The following ZBTB20 variants were observed in gnomAD, a reference collection of about 807,000 sequenced individuals.
The protein encoded by ZBTB20 is zinc finger and BTB domain-containing protein 20.
A neutral mutation model predicts 56.9 loss-of-function variants in ZBTB20; 9 were observed. The observed-to-expected ratio is 0.16, with a 90% CI of 0.10 to 0.28. The LOEUF (loss-of-function observed/expected upper bound fraction) is 0.28, where lower values mean the gene tolerates loss of function less well. Among genes scored for constraint, ZBTB20 ranks in the 10% least tolerant of loss-of-function variants. The pLI, the probability that ZBTB20 is intolerant of heterozygous loss-of-function variation, is 1.00. For synonymous variants in ZBTB20, 417 were observed against 420.7 expected (o/e 0.99, Z 0.11); for missense variants, 655 against 1,003.0 (o/e 0.65, Z 4.69).
chr3:114,962,444 C>T (rs2077490081), intron 3 of ZBTB20, among the ~76,000 whole-genome samples: 2 of 152,104 alleles, frequency 1.3e-5, no homozygotes, highest in African/African-American at 4.8e-5. Flanking sequence ...TGCAGACAGA[C>T]AGCCCGATAG....
At chr3:114,694,589 A>G (rs771161275) in intron 5 of ZBTB20, among the ~76,000 whole-genome samples, 7 of 152,068 alleles carry the variant, frequency 4.6e-5, no homozygotes, top group Non-Finnish European at 1.0e-4. Flanking sequence ...GGACTTATAT[A>G]AACAAAAGAA....
Position 114,938,653 on chromosome 3 carries a change from C to T in ZBTB20, c.-456+35713G>A, listed in dbSNP as rs991290245. On this transcript the variant is annotated intron_variant, in intron 3 of 11. Transcript: ENST00000675478. ...CACATGGACACAGGGAGGGGAACAT[C>T]ACACATTGGGGCCTGTCGGGTGGTG... Among the ~76,000 whole-genome samples, 6 of 145,200 alleles carry T rather than the reference C, an allele frequency of 4.1e-5. 1 individual carries two copies. The highest frequency in any genetic ancestry group is 1.7e-4 in the African/African-American group (6 of 35,052).
intron 6 of ZBTB20, among the ~76,000 whole-genome samples, chr3:114,677,727 T>C (rs2061714730): frequency 6.6e-6 from 1 of 152,150 alleles, no homozygotes; most frequent in Non-Finnish European, 1.5e-5. Flanking sequence ...TTGAAAAATA[T>C]ATATATATAC....
intron 2 of ZBTB20, among the ~76,000 whole-genome samples, chr3:114,975,348 T>A (rs2078054297): frequency 6.6e-6 from 1 of 152,178 alleles, no homozygotes; most frequent in Non-Finnish European, 1.5e-5. Flanking sequence ...CATTCAAAGT[T>A]TCAAAAGCAG....
At chr3:114,401,581 C>G (rs2086830904) in intron 7 of ZBTB20, among the ~76,000 whole-genome samples, 1 of 152,120 alleles carries the variant, frequency 6.6e-6, no homozygotes. Flanking sequence ...TTCCACCATG[C>G]AGACTATGTA....
chr3:114,858,833 C>T (rs1470545134), intron 4 of ZBTB20, among the ~76,000 whole-genome samples: 2 of 152,122 alleles, frequency 1.3e-5, no homozygotes, highest in African/African-American at 4.8e-5. Context: ...GTGGAATCTA[C>T]TTTACTGACA....
chr3:114,821,551 C>A (rs764393763), intron 4 of ZBTB20, among the ~76,000 whole-genome samples: 56 of 152,254 alleles, frequency 3.7e-4, no homozygotes, highest in Middle Eastern at 6.8e-3. Context: ...GTCACTCTGG[C>A]AAGAAGAAGC....
At chr3:114,606,780 G>T (rs535821013) in intron 6 of ZBTB20, among the ~76,000 whole-genome samples, 10 of 152,088 alleles carry the variant, frequency 6.6e-5, no homozygotes, top group African/African-American at 2.4e-4. Context: ...GCAAGCCATG[G>T]CTATTTTTGA....
intron 6 of ZBTB20, among the ~76,000 whole-genome samples, chr3:114,582,681 G>C (rs1182275308): frequency 6.6e-6 from 1 of 152,148 alleles, no homozygotes; most frequent in Non-Finnish European, 1.5e-5. Flanking sequence ...TGCCCAGCCT[G>C]TGTTTTAAAT....
At chr3:114,558,153 G>A (rs914122875) in intron 6 of ZBTB20, among the ~76,000 whole-genome samples, 1 of 152,034 alleles carries the variant, frequency 6.6e-6, no homozygotes, top group African/African-American at 2.4e-5. Context: ...TGGTGGTAAA[G>A]AATCAGGACA....
At chr3:114,840,199 G>A (rs1467310374) in intron 4 of ZBTB20, among the ~76,000 whole-genome samples, 3 of 151,176 alleles carry the variant, frequency 2.0e-5, no homozygotes, top group African/African-American at 7.3e-5. Flanking sequence ...ATGATGGTAA[G>A]TTTCCCTTGC....
intron 1 of ZBTB20, among the ~76,000 whole-genome samples, chr3:115,096,123 A>C (rs972366783): frequency 6.6e-6 from 1 of 152,250 alleles, no homozygotes; most frequent in Non-Finnish European, 1.5e-5. Context: ...TAAAATAACA[A>C]AAATGTCTTA....
chr3:114,726,911 C>CAAAAAAAAAAAA (rs35565597), intron 5 of ZBTB20, among the ~76,000 whole-genome samples: 2 of 49,294 alleles, frequency 4.1e-5, no homozygotes, highest in Admixed American at 3.7e-4. Flanking sequence ...GACTCCATCA[C>CAAAAAAAAAAAA]AAAAAAAAAA....
chr3:115,107,731 G>A (rs1456254929), intron 1 of ZBTB20, among the ~76,000 whole-genome samples: 1 of 152,104 alleles, frequency 6.6e-6, no homozygotes, highest in Non-Finnish European at 1.5e-5. Context: ...TAGCAGACAT[G>A]GAACCAACCA....
intron 4 of ZBTB20, among the ~76,000 whole-genome samples, chr3:114,899,304 C>A (rs1407201482): frequency 6.6e-6 from 1 of 152,044 alleles, no homozygotes; most frequent in Non-Finnish European, 1.5e-5. Context: ...CCCCATGTGT[C>A]CACTAATAGC....
chr3:114,646,150 A>G, intron 6 of ZBTB20, among the ~76,000 whole-genome samples: 1 of 143,754 alleles, frequency 7.0e-6, no homozygotes, highest in Non-Finnish European at 1.5e-5. Flanking sequence ...CAGAAAAAAG[A>G]AGCGTTATGT....
chr3:115,003,356 A>G (rs1310125960), intron 2 of ZBTB20, among the ~76,000 whole-genome samples: 1 of 151,688 alleles, frequency 6.6e-6, no homozygotes, highest in Admixed American at 6.6e-5. Flanking sequence ...ATAATGGGGA[A>G]AAGTGGGGAG....
Position 114,339,063 on chromosome 3 carries a change from T to A in ZBTB20, c.2168A>T (p.Lys723Met). 1 of 1,551,352 alleles carries A rather than the reference T, an allele frequency of 6.4e-7. No individual in the cohort carries two copies. The highest frequency in any genetic ancestry group is 8.7e-7 in the Non-Finnish European group (1 of 1,148,002). The change falls in exon 12 of 12, where the codon AAG (lysine) becomes ATG (methionine). Residue 723 changes from lysine to methionine, a missense_variant. Lys to Met is a moderately conservative substitution (Grantham distance 95). Around this residue, in one of 10 missense-constraint regions of ZBTB20, gnomAD observed 89 missense variants for 79.7 expected, o/e 1.12. Transcript: ENST00000675478. This position sits in a 1 kb window ranked among gnomAD's most constrained non-coding sequence, Gnocchi z 4.2. ...GTTGAACTGCTCGATTTGGTCAAAC[T>A]TTGCTGGGCAGACGGAGCAGACGTA... ...TTYVCSVCPAKFDQIEQFNDH... is the reference protein window; with the variant it reads ...TTYVCSVCPAMFDQIEQFNDH...
At chr3:114,479,976 T>C (rs980798555) in intron 7 of ZBTB20, among the ~76,000 whole-genome samples, 1 of 152,224 alleles carries the variant, frequency 6.6e-6, no homozygotes, top group African/African-American at 2.4e-5. Flanking sequence ...GATGGTACAA[T>C]GATGTTCTCA....
Sources: gnomAD v4.1 joint callset for allele counts (sites outside exome capture counted in the v4.1 genomes callset) on GRCh38, gnomAD v4.1.1 for gene constraint, gnomAD v4.1.1 regional missense constraint, Gnocchi (gnomAD v3.1) non-coding constraint, MANE v1.5 for transcripts, NCBI Gene and HGNC (gene_info 2026-07-23, HGNC 2026-07-21) for gene names.